THSD7B: variants seen among roughly 807,000 people sequenced by gnomAD.
The protein encoded by THSD7B is thrombospondin type-1 domain-containing protein 7B.
A neutral mutation model predicts 213.6 loss-of-function variants in THSD7B; 138 were observed. That is an observed-to-expected ratio of 0.65 (90% CI 0.56 to 0.74). THSD7B has a LOEUF of 0.74. THSD7B is among the 30% of genes least tolerant of loss of function. The pLI, the probability that THSD7B is intolerant of heterozygous loss-of-function variation, is 0.00. For synonymous variants in THSD7B, 742 were observed against 687.0 expected (o/e 1.08, Z -1.25); for missense variants, 1,931 against 1,991.5 (o/e 0.97, Z 0.58).
chr2:137,104,056 C>G lies in THSD7B; in HGVS notation c.1199+8935C>G, dbSNP rs545375478. On this transcript the variant is annotated intron_variant, in intron 4 of 27. Coordinates refer to ENST00000409968, the MANE Select transcript of THSD7B (RefSeq NM_001316349.2). ...CCTAATAGACATCTACAGAACTCTC[C>G]ACTCCAAATCAACAGAATATACATT... 4.0e-4 allele frequency among the ~76,000 whole-genome samples: 61 copies of G among 152,222 alleles called. 1 individual carries two copies. The highest frequency in any genetic ancestry group is 1.0e-3 in the African/African-American group (43 of 41,510).
intron 13 of THSD7B, among the ~76,000 whole-genome samples, chr2:137,410,062 G>A (rs1686617747): frequency 1.3e-5 from 2 of 152,244 alleles, no homozygotes; most frequent in South Asian, 4.1e-4. Flanking sequence ...TGAAAAAAGG[G>A]AGGTCTTGAA....
intron 2 of THSD7B, among the ~76,000 whole-genome samples, chr2:136,979,979 C>G (rs1012319671): frequency 6.6e-6 from 1 of 151,954 alleles, no homozygotes; most frequent in Admixed American, 6.6e-5. Flanking sequence ...GTTGTTGTTG[C>G]TGTCTGTCAT....
chr2:137,227,333 C>G (rs6717181), intron 7 of THSD7B, among the ~76,000 whole-genome samples: 67,621 of 152,000 alleles, frequency 0.44, 15,317 homozygotes, highest in African/African-American at 0.53. Flanking sequence ...GGAGTTTGCT[C>G]TTATTGATCC....
At chr2:136,956,348 G>A (rs537493335) in intron 2 of THSD7B, among the ~76,000 whole-genome samples, 2 of 152,328 alleles carry the variant, frequency 1.3e-5, no homozygotes, top group East Asian at 3.9e-4. Flanking sequence ...GCATGGTGGT[G>A]TGTTTTGCAA....
intron 1 of THSD7B, among the ~76,000 whole-genome samples, chr2:136,855,336 A>G (rs1158289976): frequency 1.3e-5 from 2 of 152,154 alleles, no homozygotes; most frequent in African/African-American, 4.8e-5. Flanking sequence ...ACAAAATCTT[A>G]AAATCGCTTC....
chr2:137,304,799 A>T (rs1441447163), intron 12 of THSD7B, among the ~76,000 whole-genome samples: 1 of 152,002 alleles, frequency 6.6e-6, no homozygotes, highest in African/African-American at 2.4e-5. Flanking sequence ...ACAAAACATG[A>T]TATATAGTTT....
At chr2:137,552,362 C>G (rs1014717335) in intron 15 of THSD7B, among the ~76,000 whole-genome samples, 4 of 152,172 alleles carry the variant, frequency 2.6e-5, no homozygotes, top group African/African-American at 9.6e-5. Context: ...CCTGAACAAA[C>G]TAAATGGGCA....
rs372716878 is a variant in THSD7B at position 137,254,928 on chromosome 2, G to GA, written c.2266+12356_2266+12357insA. The stretch of plus-strand genomic sequence containing the variant: ...GTATGTCGAGACAGAGAAAGAGTGA[G>GA]GGGGGGCTCTCATAGTGGAACAATA... On this transcript the variant is annotated intron_variant, in intron 10 of 27. Transcript: ENST00000409968. Among the ~76,000 whole-genome samples the GA allele has an allele frequency of 6.0e-3, 905 of 152,040 alleles. 9 individuals are homozygous for GA. Among genetic ancestry groups the GA allele is most frequent in the African/African-American group, 0.02 (821 of 41,468 alleles).
intron 12 of THSD7B, among the ~76,000 whole-genome samples, chr2:137,391,074 T>A (rs1686014801): frequency 6.6e-6 from 1 of 152,094 alleles, no homozygotes; most frequent in Non-Finnish European, 1.5e-5. Flanking sequence ...CATCTGTGAA[T>A]CCATCTGATC....
intron 3 of THSD7B, among the ~76,000 whole-genome samples, chr2:137,060,675 GAT>G (rs1687253795): frequency 6.6e-6 from 1 of 151,854 alleles, no homozygotes; most frequent in Admixed American, 6.6e-5. Flanking sequence ...TGACTATGTT[GAT>G]ATGAGTCTGT....
chr2:137,254,473 T>C (rs1489165562), intron 10 of THSD7B, among the ~76,000 whole-genome samples: 1 of 152,198 alleles, frequency 6.6e-6, no homozygotes, highest in Non-Finnish European at 1.5e-5. Context: ...TTTGAGTGGA[T>C]GTTTGATTAT....
At chr2:136,849,291 G>A (rs1023514049) in intron 1 of THSD7B, among the ~76,000 whole-genome samples, 2 of 152,122 alleles carry the variant, frequency 1.3e-5, no homozygotes, top group Non-Finnish European at 2.9e-5. Context: ...TGCCAGTAAA[G>A]TAATGCTAAA....
intron 7 of THSD7B, among the ~76,000 whole-genome samples, chr2:137,208,498 T>C (rs1001725859): frequency 9.9e-5 from 15 of 152,056 alleles, no homozygotes; most frequent in African/African-American, 3.4e-4. Context: ...GGGTGGGCTT[T>C]TTTTACATTC....
rs544342121 is a variant in THSD7B, at chr2:136,889,061, A to G, written c.139+6744A>G. On this transcript the variant is annotated intron_variant, in intron 2 of 27. Coordinates refer to ENST00000409968, the MANE Select transcript of THSD7B (RefSeq NM_001316349.2). The stretch of plus-strand genomic sequence containing the variant: ...ATTCTAGAGCTTGTAGTATATATTG[A>G]GGAGAGGATATAAAATGACTATAAA... Among the ~76,000 whole-genome samples the G allele has an allele frequency of 1.2e-4, 18 of 152,130 alleles. No individual in the cohort carries two copies. In the East Asian group the frequency reaches 3.5e-3, roughly 29 times the overall value.
chr2:137,425,955 G>A (rs2105032599), intron 14 of THSD7B, among the ~76,000 whole-genome samples: 1 of 152,212 alleles, frequency 6.6e-6, no homozygotes, highest in African/African-American at 2.4e-5. Flanking sequence ...CCAAAGAACT[G>A]ATAGAACTAA....
intron 15 of THSD7B, among the ~76,000 whole-genome samples, chr2:137,495,748 C>G (rs1255199283): frequency 6.6e-6 from 1 of 152,082 alleles, no homozygotes; most frequent in Non-Finnish European, 1.5e-5. Flanking sequence ...AGGGACTGTT[C>G]CCATGATTAT....
At chr2:136,806,184 A>AT in intron 1 of THSD7B, among the ~76,000 whole-genome samples, 1 of 152,128 alleles carries the variant, frequency 6.6e-6, no homozygotes, top group Non-Finnish European at 1.5e-5. Flanking sequence ...TGTGGATAAA[A>AT]TTTTTTTATC....
At chr2:137,289,065 C>T (rs1481584415) in intron 12 of THSD7B, among the ~76,000 whole-genome samples, 3 of 150,648 alleles carry the variant, frequency 2.0e-5, no homozygotes, top group Non-Finnish European at 4.4e-5. Context: ...ACTTTTTTAC[C>T]AGTGCTTATA....
intron 7 of THSD7B, among the ~76,000 whole-genome samples, chr2:137,200,654 T>G (rs1680856993): frequency 1.3e-5 from 2 of 151,924 alleles, no homozygotes; most frequent in African/African-American, 4.8e-5. Flanking sequence ...CTGTAACCAC[T>G]ATTTTTTTTT....
Sources: allele counts gnomAD v4.1 joint callset (sites outside exome capture counted in the v4.1 genomes callset), GRCh38; gene constraint gnomAD v4.1.1; transcripts MANE v1.5; gene names NCBI Gene and HGNC (gene_info 2026-07-23, HGNC 2026-07-21).